Variants in GCNT3 observed in about 807,000 individuals in gnomAD.
GCNT3 encodes the protein beta-1,3-galactosyl-O-glycosyl-glycoprotein beta-1,6-N-acetylglucosaminyltransferase 3.
For synonymous variants in GCNT3, 269 were observed against 195.2 expected (o/e 1.38, Z -3.15); for missense variants, 708 against 530.3 (o/e 1.34, Z -3.29).
At position 59,620,672 on chromosome 15, in the gene GCNT3, C is replaced by T. The variant is rs2082743558; in HGVS notation, c.*1117C>T. 1 of 166,942 alleles carries T rather than the reference C, an allele frequency of 6.0e-6. No homozygotes were observed. The highest frequency in any genetic ancestry group is 2.1e-4 in the South Asian group (1 of 4,826). The allele number at this position is 166,942 out of a possible 1,614,324, so 10.3% of individuals were successfully genotyped here. A position where few individuals can be genotyped will look rare whatever the true frequency, so the allele number is the denominator to read the frequency against. ...AATTTTGTCCACTTTACAGCCAAAG[C>T]TTAGCTAATGTTCCATAAAGGAGAT... On this transcript the variant is annotated 3_prime_UTR_variant, in exon 3 of 3. Transcript: ENST00000396065.
intron 2 of GCNT3, among the ~76,000 whole-genome samples, chr15:59,617,474 A>C (rs1003817505): frequency 7.2e-5 from 11 of 152,184 alleles, no homozygotes; most frequent in African/African-American, 2.7e-4. Flanking sequence ...GAAGGTTATT[A>C]AATGGGACAG....
Position 59,619,048 on chromosome 15 carries a change from G to C in GCNT3, c.810G>C (p.Glu270Asp). ...HKETRWKYHFEVVRDTLHLTN... is the reference protein window; with the variant it reads ...HKETRWKYHFDVVRDTLHLTN... ...AAACCCGCTGGAAATATCACTTTGA[G>C]GTAGTGAGAGACACATTACACCTAA... The change falls in exon 3 of 3, where the codon GAG becomes GAC. Residue 270 changes from glutamate to aspartate, a missense_variant. Physicochemically the swap from Glu to Asp is conservative, Grantham distance 45. Coordinates refer to ENST00000396065, the MANE Select transcript of GCNT3 (RefSeq NM_004751.3). 1 of 1,614,100 alleles carries C rather than the reference G, an allele frequency of 6.2e-7. No homozygotes were observed. The highest frequency in any genetic ancestry group is 8.5e-7 in the Non-Finnish European group (1 of 1,179,984).
rs745309174 is a variant in GCNT3, at chr15:59,618,806, A to G, written c.568A>G (p.Ser190Gly). The G allele has an allele frequency of 1.2e-6, 2 of 1,614,242 alleles. No individual in the cohort carries two copies. Among genetic ancestry groups the G allele is most frequent in the Non-Finnish European group, 1.7e-6 (2 of 1,180,042 alleles). The stretch of plus-strand genomic sequence containing the variant: ...TTGCTTCCCAAATGTCTTCATAGCC[A>G]GTAAGCTGGTTCGGGTGGTTTATGC... ...ISCFPNVFIASKLVRVVYASW... is the reference protein window; with the variant it reads ...ISCFPNVFIAGKLVRVVYASW... Residue 190 changes from serine (S) to glycine (G), a missense_variant, in exon 3 of 3, where the codon AGT becomes GGT. Transcript: ENST00000396065.
intron 1 of GCNT3, among the ~76,000 whole-genome samples, chr15:59,615,716 C>A (rs1473629131): frequency 6.7e-6 from 1 of 149,060 alleles, no homozygotes; most frequent in Non-Finnish European, 1.5e-5. Context: ...GACCTCATCT[C>A]TACTTTAAAA....
intron 1 of GCNT3, among the ~76,000 whole-genome samples, chr15:59,612,811 G>T (rs540924126): frequency 6.6e-6 from 1 of 152,216 alleles, no homozygotes; most frequent in African/African-American, 2.4e-5. Context: ...GTACCTCCCT[G>T]GGGTCAGTTG....
intron 1 of GCNT3, among the ~76,000 whole-genome samples, chr15:59,613,487 G>A (rs1244749823): frequency 6.7e-6 from 1 of 150,142 alleles, no homozygotes; most frequent in Non-Finnish European, 1.5e-5. Flanking sequence ...GATTGCTTGA[G>A]CTCCTGAGTT....
intron 1 of GCNT3, among the ~76,000 whole-genome samples, chr15:59,615,719 CT>C (rs1465809909): frequency 2.2e-4 from 32 of 147,612 alleles, no homozygotes; most frequent in African/African-American, 8.0e-4. Context: ...CTCATCTCTA[CT>C]TTAAAAAAAA....
At position 59,619,491 on chromosome 15, in the gene GCNT3, A is replaced by G; in HGVS notation, c.1253A>G (p.Asp418Gly). The G allele has an allele frequency of 6.2e-7, 1 of 1,614,028 alleles. No individual in the cohort carries two copies. Among genetic ancestry groups the G allele is most frequent in the Non-Finnish European group, 8.5e-7 (1 of 1,179,926 alleles). The change falls in exon 3 of 3, where the codon GAT (aspartate) becomes GGT (glycine). Residue 418 changes from aspartate (D) to glycine (G), a missense_variant. Transcript: ENST00000396065. ...LANKFDPKVD[D>G]NALQCLEEYL... ...AACAAGTTTGACCCAAAGGTAGATG[A>G]TAATGCTCTTCAGTGCTTAGAAGAA... is the stretch of plus-strand genomic sequence containing the variant.
rs2082742167 is a variant in GCNT3 at position 59,620,398 on chromosome 15, C to T, written c.*843C>T. ...CGCCAGGCTGGTCTTGAACTCCTGA[C>T]CTTGTGATCTGCCCGCCTCGGCCTT... On this transcript the variant is annotated 3_prime_UTR_variant, in exon 3 of 3. Coordinates refer to ENST00000396065, the MANE Select transcript of GCNT3 (RefSeq NM_004751.3). 2 of 167,148 alleles carry T rather than the reference C, an allele frequency of 1.2e-5. No homozygotes were observed. The highest frequency in any genetic ancestry group is 6.5e-5 in the Admixed American group (1 of 15,280). 10.4% of individuals were successfully genotyped at this position (167,148 alleles called of 1,614,324 possible). A position where few individuals can be genotyped will look rare whatever the true frequency, so the allele number is the denominator to read the frequency against.
Position 59,616,895 on chromosome 15 carries a change from T to G in GCNT3, c.-61+14T>G, listed in dbSNP as rs1436416431. The stretch of plus-strand genomic sequence containing the variant: ...AAGCTACTAAAGGTGAGAATTTTCT[T>G]CATTTTTCATTTTCCTTCCTCTTAG... On this transcript the variant is annotated intron_variant, in intron 2 of 2. Coordinates refer to ENST00000396065, the MANE Select transcript of GCNT3 (RefSeq NM_004751.3). The G allele has an allele frequency of 2.0e-5, 3 of 152,134 alleles. No homozygotes were observed. The highest frequency in any genetic ancestry group is 4.4e-5 in the Non-Finnish European group (3 of 68,020). 9.4% of individuals were successfully genotyped at this position (152,134 alleles called of 1,614,324 possible). A position where few individuals can be genotyped will look rare whatever the true frequency, so the allele number is the denominator to read the frequency against.
At chr15:59,612,320 G>A (rs1184531046) in intron 1 of GCNT3, among the ~76,000 whole-genome samples, 1 of 152,214 alleles carries the variant, frequency 6.6e-6, no homozygotes, top group Admixed American at 6.5e-5. Context: ...AGGAGTCTGA[G>A]TGGGAAGAGT....
In GCNT3 at chr15:59,619,232, C is replaced by T; in HGVS notation, c.994C>T (p.Leu332Phe). The T allele has an allele frequency of 6.2e-7, 1 of 1,614,024 alleles. No individual in the cohort carries two copies. The highest frequency in any genetic ancestry group is 8.5e-7 in the Non-Finnish European group (1 of 1,179,962). Residue 332 changes from leucine (L) to phenylalanine (F), a missense_variant, in exon 3 of 3, where the codon CTC (leucine) becomes TTC (phenylalanine). Coordinates refer to ENST00000396065, the MANE Select transcript of GCNT3 (RefSeq NM_004751.3). Reference sequence around the variant, plus strand: ...AGACACTTATAGCCCAGATGAACACCTCTGGGCCACCCTTCAGCGTGCACG... The same window carrying T: ...AGACACTTATAGCCCAGATGAACACTTCTGGGCCACCCTTCAGCGTGCACG... ...VKDTYSPDEH[L>F]WATLQRARWM...
chr15:59,618,907 C>A lies in GCNT3; in HGVS notation c.669C>A (p.Phe223Leu). ...LLQSSVPWKY[F>L]LNTCGTDFPI... ...AGAGCTCAGTGCCGTGGAAATACTTCCTGAATACATGTGGGACGGACTTTC... is the reference window on the plus strand; with the variant it reads ...AGAGCTCAGTGCCGTGGAAATACTTACTGAATACATGTGGGACGGACTTTC... Residue 223 changes from phenylalanine (F) to leucine (L), a missense_variant, in exon 3 of 3, where the codon TTC becomes TTA. Physicochemically the swap from Phe to Leu is conservative, Grantham distance 22. Coordinates refer to ENST00000396065, the MANE Select transcript of GCNT3 (RefSeq NM_004751.3). 2 of 1,614,150 alleles carry A rather than the reference C, an allele frequency of 1.2e-6. No individual in the cohort carries two copies. The highest frequency in any genetic ancestry group is 1.7e-6 in the Non-Finnish European group (2 of 1,180,032).
intron 1 of GCNT3, among the ~76,000 whole-genome samples, chr15:59,615,742 T>C (rs556516973): frequency 1.7e-4 from 26 of 151,254 alleles, no homozygotes; most frequent in African/African-American, 6.3e-4. Context: ...AAAAAAATTA[T>C]CTCCGCATGG....
In GCNT3 at chr15:59,619,209, A is replaced by T. The variant is rs1365615026; in HGVS notation, c.971A>T (p.Asp324Val). The T allele has an allele frequency of 6.2e-7, 1 of 1,613,840 alleles. No homozygotes were observed. The highest frequency in any genetic ancestry group is 1.1e-5 in the South Asian group (1 of 91,064). Residue 324 changes from aspartate (D) to valine (V), a missense_variant, in exon 3 of 3, where the codon GAC (aspartate) becomes GTC (valine). Coordinates refer to ENST00000396065, the MANE Select transcript of GCNT3 (RefSeq NM_004751.3). ...KSQQLIEWVK[D>V]TYSPDEHLWA... is the part of the protein sequence containing the mutation. Reference sequence around the variant, plus strand: ...CAACAACTGATTGAATGGGTAAAAGACACTTATAGCCCAGATGAACACCTC... The same window carrying T: ...CAACAACTGATTGAATGGGTAAAAGTCACTTATAGCCCAGATGAACACCTC...
chr15:59,617,829 C>T (rs778174006), intron 2 of GCNT3: 7 of 154,720 alleles, frequency 4.5e-5, no homozygotes, highest in Non-Finnish European at 8.6e-5. Flanking sequence ...AATTCCAGAC[C>T]CCAGATAAGA....
Position 59,618,326 on chromosome 15 carries a change from T to A in GCNT3, c.88T>A (p.Ser30Thr), listed in dbSNP as rs774150011. ...MLLATVALKL[S>T]FRLKCDSDHL... Reference sequence around the variant, plus strand: ...GCTGGCCACTGTGGCTCTGAAACTTTCTTTCAGGTTGAAGTGTGACTCTGA... The same window carrying A: ...GCTGGCCACTGTGGCTCTGAAACTTACTTTCAGGTTGAAGTGTGACTCTGA... The change falls in exon 3 of 3, where the codon TCT becomes ACT. Residue 30 changes from serine to threonine, a missense_variant. Coordinates refer to ENST00000396065, the MANE Select transcript of GCNT3 (RefSeq NM_004751.3). The A allele has an allele frequency of 6.2e-6, 10 of 1,613,586 alleles. No homozygotes were observed. The South Asian group carries it at 8.8e-5, about 14-fold the overall frequency.
chr15:59,613,135 T>G (rs1052809366), intron 1 of GCNT3, among the ~76,000 whole-genome samples: 7 of 152,082 alleles, frequency 4.6e-5, no homozygotes, highest in Non-Finnish European at 8.8e-5. Context: ...TCAATAGTAG[T>G]AGAAAACAAA....
At chr15:59,618,024 C>G in intron 2 of GCNT3, 155 bp from the exon 3 acceptor site, 1 of 420,754 alleles carries the variant, frequency 2.4e-6, no homozygotes, top group Non-Finnish European at 4.2e-6. Flanking sequence ...GATTACAGAT[C>G]TCCATCAACA....
Sources: gnomAD v4.1 joint callset for allele counts (sites outside exome capture counted in the v4.1 genomes callset) on GRCh38, gnomAD v4.1.1 for gene constraint, MANE v1.5 for transcripts, NCBI Gene and HGNC (gene_info 2026-07-23, HGNC 2026-07-21) for gene names.